TEX9: variants seen among roughly 807,000 people sequenced by gnomAD.
TEX9 encodes the protein testis-expressed protein 9.
Under a neutral mutation model 59.6 loss-of-function variants are expected in TEX9, and 74 were observed. That is an observed-to-expected ratio of 1.24 (90% confidence interval 1.03 to 1.51). The LOEUF is 1.51. TEX9 is among the 40% of genes most tolerant of loss of function. The pLI, the probability that TEX9 is intolerant of heterozygous loss-of-function variation, is 0.00. For missense variants in TEX9, 522 were observed against 447.8 expected (o/e 1.17, Z -1.49); for synonymous variants, 186 against 152.2 (o/e 1.22, Z -1.64).
chr15:56,268,653 C>A (rs919416072), intron 1 of TEX9, among the ~76,000 whole-genome samples: 33 of 149,948 alleles, frequency 2.2e-4, no homozygotes, highest in Non-Finnish European at 3.8e-4. Context: ...GTTGAACCAG[C>A]CTTGCATCCC....
intron 1 of TEX9, among the ~76,000 whole-genome samples, chr15:56,338,289 G>C (rs2046298261): frequency 1.3e-5 from 2 of 152,340 alleles, no homozygotes; most frequent in South Asian, 4.1e-4. Flanking sequence ...TGGAAAAATA[G>C]TACCATTCAA....
intron 12 of TEX9, among the ~76,000 whole-genome samples, chr15:56,433,926 T>G (rs554596963): frequency 2.2e-3 from 338 of 152,294 alleles, no homozygotes; most frequent in Admixed American, 5.5e-3. Flanking sequence ...TATTTACCTT[T>G]TATGTTCTCA....
chr15:56,284,352 G>A lies in TEX9; in HGVS notation c.-107+40074G>A, dbSNP rs78922358. ...ATCCTAAATATTTTATTAAAACTTT[G>A]TGCATAAAAAGTTAAAATATCCTTT... On this transcript the variant is annotated intron_variant, in intron 1 of 5. Coordinates refer to the TEX9 transcript ENST00000560827. Among the ~76,000 whole-genome samples, 1,033 of 152,120 alleles carry A rather than the reference G, an allele frequency of 6.8e-3. 3 individuals are homozygous for A. Among genetic ancestry groups the A allele is most frequent in the Non-Finnish European group, 0.011 (735 of 68,000 alleles).
chr15:56,377,147 G>T (rs577452268), intron 3 of TEX9, among the ~76,000 whole-genome samples: 1 of 152,148 alleles, frequency 6.6e-6, no homozygotes, highest in South Asian at 2.1e-4. Flanking sequence ...CAGATGTTTT[G>T]GTTACTATAG....
chr15:56,436,248 C>A (rs1348841638), intron 12 of TEX9, among the ~76,000 whole-genome samples: 1 of 152,110 alleles, frequency 6.6e-6, no homozygotes, highest in African/African-American at 2.4e-5. Flanking sequence ...GAAATTATAA[C>A]AAACTGTCTC....
intron 1 of TEX9, among the ~76,000 whole-genome samples, chr15:56,336,422 A>G (rs1343523532): frequency 6.6e-6 from 1 of 152,052 alleles, no homozygotes; most frequent in Non-Finnish European, 1.5e-5. Flanking sequence ...ATATCTCCCA[A>G]TATTTCTCTG....
chr15:56,420,363 A>C (rs8033950), intron 10 of TEX9, among the ~76,000 whole-genome samples: 22,093 of 149,652 alleles, frequency 0.15, 2,373 homozygotes, highest in East Asian at 0.37. Context: ...GGTGGAGTGC[A>C]GTGGCGCAAA....
chr15:56,459,585 A>G, the TEX9 span, among the ~76,000 whole-genome samples: 1 of 152,182 alleles, frequency 6.6e-6, no homozygotes, highest in Non-Finnish European at 1.5e-5. Flanking sequence ...TAGCAATTGA[A>G]AACTACTACA....
intron 1 of TEX9, among the ~76,000 whole-genome samples, chr15:56,293,110 G>A (rs550085407): frequency 2.0e-5 from 3 of 152,240 alleles, no homozygotes; most frequent in African/African-American, 7.2e-5. Context: ...CAAGGCAGGA[G>A]GATCACTTGA....
intron 10 of TEX9, among the ~76,000 whole-genome samples, chr15:56,426,873 A>C (rs1243927361): frequency 1.3e-5 from 2 of 151,740 alleles, no homozygotes; most frequent in Non-Finnish European, 2.9e-5. Flanking sequence ...CATTTTTACC[A>C]AGATTACAAA....
At chr15:56,306,927 A>G (rs1281214102) in intron 1 of TEX9, among the ~76,000 whole-genome samples, 1 of 152,190 alleles carries the variant, frequency 6.6e-6, no homozygotes, top group East Asian at 1.9e-4. Context: ...ACCGGCCATT[A>G]ATACAGTTAT....
intron 1 of TEX9, among the ~76,000 whole-genome samples, chr15:56,337,385 T>G (rs1266735747): frequency 6.6e-6 from 1 of 152,262 alleles, no homozygotes; most frequent in South Asian, 2.1e-4. Context: ...GGTAGGGGAA[T>G]TATCAAGAGA....
intron 1 of TEX9, among the ~76,000 whole-genome samples, chr15:56,317,934 C>T (rs1208639765): frequency 6.6e-6 from 1 of 152,050 alleles, no homozygotes; most frequent in Non-Finnish European, 1.5e-5. Flanking sequence ...ATCTCATGGG[C>T]ACTTGTGGAG....
At chr15:56,359,269 C>T (rs1340751967) in intron 1 of TEX9, among the ~76,000 whole-genome samples, 1 of 152,102 alleles carries the variant, frequency 6.6e-6, no homozygotes, top group Non-Finnish European at 1.5e-5. Flanking sequence ...GTAATATATT[C>T]ATAAAGTTGT....
intron 12 of TEX9, chr15:56,444,462 A>G (rs1158484732): frequency 1.2e-6 from 2 of 1,607,008 alleles, no homozygotes; most frequent in Admixed American, 3.4e-5. Context: ...TTCTTCATAG[A>G]TCTTCCTAAC....
chr15:56,338,999 G>A (rs1166516823), intron 1 of TEX9, among the ~76,000 whole-genome samples: 3 of 152,032 alleles, frequency 2.0e-5, no homozygotes, highest in Admixed American at 2.0e-4. Context: ...TTTTACAAAA[G>A]CATCCTGAAT....
intron 10 of TEX9, among the ~76,000 whole-genome samples, chr15:56,422,890 T>C (rs1370291312): frequency 1.3e-5 from 2 of 152,178 alleles, no homozygotes; most frequent in East Asian, 3.8e-4. Flanking sequence ...TAAACGTCAG[T>C]AGAATTATAC....
chr15:56,356,804 C>T (rs1309946043), intron 1 of TEX9, among the ~76,000 whole-genome samples: 1 of 152,108 alleles, frequency 6.6e-6, no homozygotes, highest in Non-Finnish European at 1.5e-5. Context: ...AGTGGTCTGG[C>T]TCTATAATTA....
intron 12 of TEX9, among the ~76,000 whole-genome samples, chr15:56,435,044 T>C (rs1292784882): frequency 6.6e-6 from 1 of 152,110 alleles, no homozygotes; most frequent in Non-Finnish European, 1.5e-5. Context: ...GGTCACTCAC[T>C]TCTAAATAAT....
Sources: gnomAD v4.1 joint callset for allele counts (sites outside exome capture counted in the v4.1 genomes callset) on GRCh38, gnomAD v4.1.1 for gene constraint, MANE v1.5 for transcripts, NCBI Gene and HGNC (gene_info 2026-07-23, HGNC 2026-07-21) for gene names.